The following ZC3H12B variants were observed in gnomAD, a reference collection of about 807,000 sequenced individuals.
The protein encoded by ZC3H12B is probable ribonuclease ZC3H12B.
In ZC3H12B, 7 loss-of-function variants were observed where a neutral mutation model predicts 43.9. That is an observed-to-expected ratio of 0.16 (90% CI 0.09 to 0.30). The LOEUF (loss-of-function observed/expected upper bound fraction) is 0.30, where lower values mean the gene tolerates loss of function less well. Ranked by LOEUF, ZC3H12B falls within the 10% of genes least tolerant of loss-of-function variation. The pLI is 1.00. For missense variants in ZC3H12B, 475 were observed against 670.2 expected (o/e 0.71, Z 3.22); for synonymous variants, 222 against 241.7 (o/e 0.92, Z 0.76).
At chrX:65,397,138 G>A (rs1018228094) in intron 2 of ZC3H12B, among the ~76,000 whole-genome samples, 18 of 111,611 alleles carry the variant, frequency 1.6e-4, no homozygotes, top group Admixed American at 6.6e-4. Context: ...ACACCGATGA[G>A]TCTTGACTAT....
chrX:65,284,825 C>G, the ZC3H12B span, among the ~76,000 whole-genome samples: 1 of 110,593 alleles, frequency 9.0e-6, no homozygotes, highest in African/African-American at 3.3e-5. Flanking sequence ...AATTATGAAA[C>G]TGCAGAATTC....
At chrX:65,383,185 C>A (rs778714614) in intron 2 of ZC3H12B, among the ~76,000 whole-genome samples, 1 of 112,032 alleles carries the variant, frequency 8.9e-6, no homozygotes, top group East Asian at 2.8e-4. Flanking sequence ...AGGCATCACC[C>A]TACCTGACTT....
chrX:65,453,898 A>G (rs2067561996), intron 3 of ZC3H12B, among the ~76,000 whole-genome samples: 1 of 111,680 alleles, frequency 9.0e-6, no homozygotes, highest in African/African-American at 3.3e-5. Context: ...TATACAATGG[A>G]CTTTGGGGAC....
At chrX:65,150,149 C>A in the ZC3H12B span, among the ~76,000 whole-genome samples, 3 of 110,547 alleles carry the variant, frequency 2.7e-5, no homozygotes, top group Non-Finnish European at 3.8e-5. Flanking sequence ...CCTTCCTTTC[C>A]TATTGCTACG....
the ZC3H12B span, among the ~76,000 whole-genome samples, chrX:65,065,383 T>C: frequency 1.8e-5 from 2 of 111,898 alleles, no homozygotes; most frequent in Non-Finnish European, 3.8e-5. Context: ...AATGATTTTA[T>C]TTCTCTATTG....
chrX:65,241,714 C>T, the ZC3H12B span, among the ~76,000 whole-genome samples: 1 of 112,536 alleles, frequency 8.9e-6, no homozygotes, highest in Non-Finnish European at 1.9e-5. Flanking sequence ...GGCAGCCGCC[C>T]TTCTCACCAG....
the ZC3H12B span, among the ~76,000 whole-genome samples, chrX:65,148,430 A>C: frequency 1.8e-5 from 2 of 111,852 alleles, no homozygotes; most frequent in African/African-American, 6.5e-5. Flanking sequence ...TGCTGGGGCC[A>C]GTCTGGTCCT....
chrX:65,283,626 T>G, the ZC3H12B span, among the ~76,000 whole-genome samples: 1 of 111,791 alleles, frequency 8.9e-6, no homozygotes. Flanking sequence ...TTCAGCAAAG[T>G]CTCAGGAGGC....
the ZC3H12B span, among the ~76,000 whole-genome samples, chrX:65,042,039 C>T: frequency 2.6e-4 from 29 of 111,972 alleles, no homozygotes; most frequent in African/African-American, 8.8e-4. Context: ...ACTACTTACA[C>T]TCTTTTAAGA....
At chrX:65,215,147 G>A in the ZC3H12B span, among the ~76,000 whole-genome samples, 1 of 111,918 alleles carries the variant, frequency 8.9e-6, no homozygotes, top group Non-Finnish European at 1.9e-5. Flanking sequence ...AGTAAATTTG[G>A]CATAATTCTT....
chrX:65,483,831 T>C (rs945727760), upstream of ZC3H12B, among the ~76,000 whole-genome samples: 4 of 112,257 alleles, frequency 3.6e-5, no homozygotes, highest in African/African-American at 1.3e-4. Flanking sequence ...TAGGTCCCAC[T>C]TATAAGTGAG....
the ZC3H12B span, among the ~76,000 whole-genome samples, chrX:65,104,280 A>G: frequency 1.8e-5 from 2 of 112,117 alleles, no homozygotes; most frequent in East Asian, 5.6e-4. Context: ...AAGATGGATT[A>G]TAGACTTAAA....
chrX:65,284,081 T>C, the ZC3H12B span, among the ~76,000 whole-genome samples: 1 of 110,695 alleles, frequency 9.0e-6, no homozygotes, highest in African/African-American at 3.3e-5. Context: ...AAATAAATTA[T>C]ACAGAGAGTA....
the ZC3H12B span, among the ~76,000 whole-genome samples, chrX:65,045,177 G>A: frequency 9.0e-6 from 1 of 111,118 alleles, no homozygotes; most frequent in African/African-American, 3.3e-5. Context: ...GATCAGGGTG[G>A]TGGTTCTTGA....
the ZC3H12B span, among the ~76,000 whole-genome samples, chrX:65,254,145 C>A: frequency 5.3e-5 from 6 of 112,236 alleles, no homozygotes; most frequent in Non-Finnish European, 1.1e-4. Flanking sequence ...CTCCACCCCC[C>A]CACTGCCACT....
chrX:65,367,247 C>G (rs1294569904), intron 1 of ZC3H12B, among the ~76,000 whole-genome samples: 1 of 111,836 alleles, frequency 8.9e-6, no homozygotes, highest in Non-Finnish European at 1.9e-5. Context: ...AAGACTGACT[C>G]TTTCATCATG....
chrX:65,205,241 T>C, the ZC3H12B span, among the ~76,000 whole-genome samples: 1 of 111,848 alleles, frequency 8.9e-6, no homozygotes, highest in African/African-American at 3.2e-5. Flanking sequence ...GTTTCTCCCT[T>C]CTTTCATAGC....
At chrX:65,218,050 T>G in the ZC3H12B span, among the ~76,000 whole-genome samples, 11 of 112,096 alleles carry the variant, frequency 9.8e-5, no homozygotes, top group African/African-American at 3.6e-4. Context: ...AAATAACTAA[T>G]TCTAAAAGCA....
chrX:65,382,715 G>A (rs1486903995), intron 2 of ZC3H12B, among the ~76,000 whole-genome samples: 1 of 111,490 alleles, frequency 9.0e-6, no homozygotes, highest in African/African-American at 3.3e-5. Context: ...CATCATCTCA[G>A]CCAAAAATCT....
Sources: gnomAD v4.1 joint callset for allele counts (sites outside exome capture counted in the v4.1 genomes callset) on GRCh38, gnomAD v4.1.1 for gene constraint, MANE v1.5 for transcripts, NCBI Gene and HGNC (gene_info 2026-07-23, HGNC 2026-07-21) for gene names.